Variants in PLPPR1 observed in about 807,000 individuals in gnomAD.
PLPPR1 encodes the protein phospholipid phosphatase-related protein type 1.
PLPPR1 carries 10 observed loss-of-function variants against 33.1 expected under a neutral mutation model. That is an observed-to-expected ratio of 0.30 (90% confidence interval 0.19 to 0.51). PLPPR1 has a LOEUF of 0.51. PLPPR1 is among the 20% of genes least tolerant of loss of function. The probability of loss-of-function intolerance (pLI) is 0.97; values close to 1 mark genes in which losing one functional copy is unlikely to be tolerated. For missense variants in PLPPR1, 304 were observed against 408.1 expected, an observed-to-expected ratio of 0.74 and a Z score of 2.20; for synonymous variants, 151 against 151.0, an observed-to-expected ratio of 1.00 and a Z score of 0.00.
intron 2 of PLPPR1, among the ~76,000 whole-genome samples, chr9:101,195,577 G>A (rs1025271286): frequency 6.6e-6 from 1 of 152,028 alleles, no homozygotes; most frequent in Non-Finnish European, 1.5e-5. Context: ...CTAGTACTAC[G>A]TGAGTGACTG....
intron 1 of PLPPR1, among the ~76,000 whole-genome samples, chr9:101,057,791 C>A (rs1213250017): frequency 6.6e-6 from 1 of 152,150 alleles, no homozygotes; most frequent in South Asian, 2.1e-4. Context: ...AGGTTATATT[C>A]TTTTCTATTG....
In PLPPR1 at chr9:101,154,369, T is replaced by C. The variant is rs1042279435; in HGVS notation, c.-45-31081T>C. ...CTTTTTTTGGTTGGTAGACTATTAA[T>C]TATTGTCTCAATTTCAGACCTGTTA... On this transcript the variant is annotated intron_variant, in intron 1 of 7. Transcript: ENST00000374874. Among the ~76,000 whole-genome samples the C allele has an allele frequency of 5.9e-5, 9 of 152,354 alleles. No homozygotes were observed. In the South Asian group the frequency reaches 1.9e-3, roughly 32 times the overall value.
intron 2 of PLPPR1, among the ~76,000 whole-genome samples, chr9:101,238,736 C>T (rs900927079): frequency 6.6e-6 from 1 of 151,726 alleles, no homozygotes; most frequent in Non-Finnish European, 1.5e-5. Context: ...CACCTCTGTG[C>T]AATATATTCG....
At chr9:101,109,585 G>A (rs933532434) in intron 1 of PLPPR1, among the ~76,000 whole-genome samples, 24 of 152,032 alleles carry the variant, frequency 1.6e-4, no homozygotes, top group African/African-American at 5.1e-4. Flanking sequence ...TATTATTCCC[G>A]TAAATTTCAA....
At chr9:101,179,634 C>T (rs1351148886) in intron 1 of PLPPR1, among the ~76,000 whole-genome samples, 2 of 151,968 alleles carry the variant, frequency 1.3e-5, no homozygotes. Context: ...ATAATTATGA[C>T]CTTATTACTG....
At chr9:101,226,044 C>T (rs1415228978) in intron 2 of PLPPR1, among the ~76,000 whole-genome samples, 1 of 152,054 alleles carries the variant, frequency 6.6e-6, no homozygotes, top group Non-Finnish European at 1.5e-5. Context: ...AATGTTCTTT[C>T]TACAGAACCA....
rs549453763 is a variant in PLPPR1, at chr9:101,133,047, T to C, written c.-45-52403T>C. Among the ~76,000 whole-genome samples the C allele has an allele frequency of 1.2e-4, 18 of 152,296 alleles. No individual in the cohort carries two copies. The South Asian group carries it at 3.7e-3, about 32-fold the overall frequency. ...GTGTTTAGCTGTGATAGAAATCCCTTGGGAATCAAGTTCCAATTAGGAAAC... is the reference window on the plus strand; with the variant it reads ...GTGTTTAGCTGTGATAGAAATCCCTCGGGAATCAAGTTCCAATTAGGAAAC... On this transcript the variant is annotated intron_variant, in intron 1 of 7. Transcript: ENST00000374874.
chr9:101,184,454 A>G lies in PLPPR1; in HGVS notation c.-45-996A>G, dbSNP rs188918002. On this transcript the variant is annotated intron_variant, in intron 1 of 7. Coordinates refer to ENST00000374874, the MANE Select transcript of PLPPR1 (RefSeq NM_207299.2). ...AAAGTACAGCTGGCCATTCAAATAG[A>G]CTGGTACTTCCTATGTTACCTTTCA... 2.5e-3 allele frequency among the ~76,000 whole-genome samples: 376 copies of G among 152,092 alleles called. 1 individual carries two copies. The highest frequency in any genetic ancestry group is 4.4e-3 in the Non-Finnish European group (296 of 67,898).
intron 1 of PLPPR1, among the ~76,000 whole-genome samples, chr9:101,038,248 T>G (rs896582791): frequency 1.3e-5 from 2 of 152,162 alleles, no homozygotes; most frequent in Non-Finnish European, 2.9e-5. Context: ...TACTCTTATA[T>G]GAAAAGGATG....
intron 2 of PLPPR1, 159 bp from the exon 3 acceptor site, chr9:101,269,721 G>A: frequency 1.3e-5 from 9 of 667,478 alleles, no homozygotes; most frequent in Admixed American, 2.3e-5. Context: ...AGACAAGCAA[G>A]CACACACTCC....
At chr9:101,231,758 GTGAACTT>G (rs775986467) in intron 2 of PLPPR1, among the ~76,000 whole-genome samples, 47 of 152,074 alleles carry the variant, frequency 3.1e-4, no homozygotes, top group Admixed American at 2.0e-3. Context: ...TTTTATTTTA[GTGAACTT>G]TGCTCATTGT....
intron 1 of PLPPR1, among the ~76,000 whole-genome samples, chr9:101,141,807 T>G (rs1222645456): frequency 6.6e-6 from 1 of 152,142 alleles, no homozygotes; most frequent in Non-Finnish European, 1.5e-5. Context: ...CACTGACACC[T>G]TCTATTCCCA....
chr9:101,183,442 T>C (rs1254065232), intron 1 of PLPPR1, among the ~76,000 whole-genome samples: 1 of 151,726 alleles, frequency 6.6e-6, no homozygotes, highest in Admixed American at 6.6e-5. Context: ...ATTTAAAATA[T>C]CCAGAAAAGG....
At chr9:101,286,439 T>C (rs1828396592) in intron 4 of PLPPR1, among the ~76,000 whole-genome samples, 1 of 152,216 alleles carries the variant, frequency 6.6e-6, no homozygotes, top group South Asian at 2.1e-4. Context: ...TCAACTGATT[T>C]TCCCCCCACA....
chr9:101,120,686 G>C (rs1210257006), intron 1 of PLPPR1, among the ~76,000 whole-genome samples: 4 of 152,202 alleles, frequency 2.6e-5, no homozygotes, highest in African/African-American at 9.6e-5. Flanking sequence ...TTCAACAGAT[G>C]TAAGTGTGGG....
intron 2 of PLPPR1, among the ~76,000 whole-genome samples, chr9:101,229,949 G>C (rs892171752): frequency 1.4e-4 from 22 of 152,112 alleles, no homozygotes; most frequent in Admixed American, 1.3e-3. Flanking sequence ...TTAACACTCT[G>C]TTTATAAAGA....
chr9:101,251,070 C>T (rs1486645829), intron 2 of PLPPR1, among the ~76,000 whole-genome samples: 5 of 152,038 alleles, frequency 3.3e-5, no homozygotes, highest in Non-Finnish European at 5.9e-5. Context: ...TCATATTCAG[C>T]TGCCTCCTTC....
chr9:101,092,243 C>T (rs946494), intron 1 of PLPPR1, among the ~76,000 whole-genome samples: 85,939 of 151,962 alleles, frequency 0.57, 24,363 homozygotes, highest in Non-Finnish European at 0.6. Flanking sequence ...TGCTGATCCC[C>T]GTCCTCCAAA....
intron 6 of PLPPR1, among the ~76,000 whole-genome samples, chr9:101,313,435 G>C (rs1828997573): frequency 6.6e-6 from 1 of 152,122 alleles, no homozygotes; most frequent in Non-Finnish European, 1.5e-5. Context: ...TAATTCCAAA[G>C]TTGCATCTCC....
Sources: allele counts gnomAD v4.1 joint callset (sites outside exome capture counted in the v4.1 genomes callset), GRCh38; gene constraint gnomAD v4.1.1; transcripts MANE v1.5; gene names NCBI Gene and HGNC (gene_info 2026-07-23, HGNC 2026-07-21).